Variants in KCNK9 observed in about 807,000 individuals in gnomAD.
The protein encoded by KCNK9 is potassium channel subfamily K member 9.
KCNK9 carries 1 observed loss-of-function variant against 10.8 expected under a neutral mutation model. The ratio of observed to expected loss-of-function variants is 0.09; its 90% CI spans 0.03 to 0.44. The LOEUF (loss-of-function observed/expected upper bound fraction) is 0.44. KCNK9 is among the 20% of genes least tolerant of loss of function. The pLI is 0.97. For synonymous variants in KCNK9, 231 were observed against 222.7 expected (o/e 1.04, Z -0.33); for missense variants, 303 against 515.0 (o/e 0.59, Z 3.98).
At chr8:139,683,518 A>C (rs1344146057) in intron 1 of KCNK9, among the ~76,000 whole-genome samples, 1 of 152,194 alleles carries the variant, frequency 6.6e-6, no homozygotes, top group African/African-American at 2.4e-5. Context: ...ATCACCAGCC[A>C]CTAGACTTCA....
chr8:139,698,197 T>C (rs1183025191), intron 1 of KCNK9, among the ~76,000 whole-genome samples: 2 of 152,226 alleles, frequency 1.3e-5, no homozygotes, highest in Non-Finnish European at 2.9e-5. Flanking sequence ...TGTGGCCTTA[T>C]CTGCGTCAGG....
chr8:139,692,042 G>A (rs1047696130), intron 1 of KCNK9, among the ~76,000 whole-genome samples: 7 of 152,190 alleles, frequency 4.6e-5, no homozygotes, highest in African/African-American at 1.7e-4. Context: ...TGCTGGGAGG[G>A]ATGCTGGAGA....
chr8:139,644,072 T>A (rs1479411438), intron 1 of KCNK9, among the ~76,000 whole-genome samples: 1 of 152,246 alleles, frequency 6.6e-6, no homozygotes, highest in East Asian at 1.9e-4. Context: ...GTTTGATTAC[T>A]GTGCTAGGAA....
intron 1 of KCNK9, among the ~76,000 whole-genome samples, chr8:139,653,671 T>C (rs754801108): frequency 4.6e-5 from 7 of 152,168 alleles, no homozygotes; most frequent in Non-Finnish European, 7.3e-5. Flanking sequence ...TGCAAACACT[T>C]GTTTAATAGA....
intron 1 of KCNK9, among the ~76,000 whole-genome samples, chr8:139,651,459 C>A (rs1278997424): frequency 6.6e-6 from 1 of 152,220 alleles, no homozygotes. Context: ...ACCCAGGGTG[C>A]AGATTGCTGT....
intron 1 of KCNK9, among the ~76,000 whole-genome samples, chr8:139,681,523 T>C (rs1268089933): frequency 6.6e-6 from 1 of 152,198 alleles, no homozygotes; most frequent in Non-Finnish European, 1.5e-5. Context: ...CACATCTCCT[T>C]ACTTTGAACT....
intron 1 of KCNK9, among the ~76,000 whole-genome samples, chr8:139,623,661 C>G (rs1814866249): frequency 6.6e-6 from 1 of 152,104 alleles, no homozygotes; most frequent in Non-Finnish European, 1.5e-5. Context: ...GCCCCCTCCC[C>G]CTACCCTCCA....
intron 1 of KCNK9, among the ~76,000 whole-genome samples, chr8:139,698,253 C>T (rs1436792254): frequency 6.6e-6 from 1 of 152,154 alleles, no homozygotes; most frequent in Admixed American, 6.5e-5. Flanking sequence ...CGTGTGGAGG[C>T]TCCGTGCTCC....
At chr8:139,661,466 G>A (rs778782419) in intron 1 of KCNK9, among the ~76,000 whole-genome samples, 7 of 152,294 alleles carry the variant, frequency 4.6e-5, no homozygotes, top group East Asian at 1.9e-4. Context: ...AGGTAGGGTC[G>A]TGGGTGTCCC....
At chr8:139,654,882 C>T (rs1482794567) in intron 1 of KCNK9, among the ~76,000 whole-genome samples, 5 of 151,958 alleles carry the variant, frequency 3.3e-5, no homozygotes, top group East Asian at 3.9e-4. Context: ...CAGAGGCAGG[C>T]GGCTAGAGAG....
downstream of KCNK9, among the ~76,000 whole-genome samples, chr8:139,615,446 C>T (rs548951060): frequency 3.3e-5 from 5 of 152,248 alleles, no homozygotes; most frequent in African/African-American, 1.2e-4. Context: ...CTGCCCTCCC[C>T]ACTCTGAGAC....
intron 1 of KCNK9, among the ~76,000 whole-genome samples, chr8:139,659,443 T>G (rs1816097295): frequency 6.6e-6 from 1 of 151,620 alleles, no homozygotes; most frequent in African/African-American, 2.4e-5. Flanking sequence ...GCAGCAGGTG[T>G]TAGACCCCTG....
downstream of KCNK9, among the ~76,000 whole-genome samples, chr8:139,613,134 G>A (rs754914607): frequency 6.6e-6 from 1 of 152,160 alleles, no homozygotes; most frequent in Non-Finnish European, 1.5e-5. Context: ...TGTTCATGGC[G>A]GACAATTTCT....
chr8:139,701,860 T>C (rs1050782816), intron 1 of KCNK9, among the ~76,000 whole-genome samples: 4 of 152,218 alleles, frequency 2.6e-5, no homozygotes, highest in Non-Finnish European at 5.9e-5. Context: ...GACCCTGCTC[T>C]GTGAATAGCG....
At chr8:139,667,048 C>T (rs1816318432) in intron 1 of KCNK9, among the ~76,000 whole-genome samples, 2 of 152,240 alleles carry the variant, frequency 1.3e-5, no homozygotes, top group South Asian at 4.1e-4. Flanking sequence ...CACAGGGCTC[C>T]CACAGGGCTT....
rs1001713079 is a variant in KCNK9 at position 139,617,724 on chromosome 8, G to A, written c.*534C>T. ...TATGATGTGTGATGGGAAAGAAAAC[G>A]GAATACCTAATACTTCCCGTTTTGT... On this transcript the variant is annotated 3_prime_UTR_variant, in exon 2 of 2. Transcript: ENST00000520439. 3.9e-5 allele frequency among the ~76,000 whole-genome samples: 6 copies of A among 152,094 alleles called. No homozygotes were observed. Among genetic ancestry groups the A allele is most frequent in the Non-Finnish European group, 5.9e-5 (4 of 68,024 alleles).
At chr8:139,701,795 G>T (rs1817226726) in intron 1 of KCNK9, among the ~76,000 whole-genome samples, 1 of 152,188 alleles carries the variant, frequency 6.6e-6, no homozygotes, top group Admixed American at 6.5e-5. Flanking sequence ...ATAACGTCCG[G>T]GAGTCCTCCC....
intron 1 of KCNK9, among the ~76,000 whole-genome samples, chr8:139,639,053 C>A (rs1011726588): frequency 1.6e-4 from 24 of 151,900 alleles, no homozygotes; most frequent in African/African-American, 5.1e-4. Flanking sequence ...CCGTAGCCAA[C>A]CCCTGTGCCC....
chr8:139,618,374 T>G lies in KCNK9; in HGVS notation c.1009A>C (p.Ile337Leu), dbSNP rs750909005. Residue 337 changes from isoleucine to leucine, a missense_variant, in exon 2 of 2, where the codon ATC becomes CTC. Transcript: ENST00000520439. The surrounding 1 kb of genome is among the most constrained non-coding windows in gnomAD (Gnocchi z 7.9). The part of the protein sequence containing the change: ...FHSISYKIEE[I>L]SPSTLKNSLF... The stretch of plus-strand genomic sequence containing the variant: ...CTGTTTTTTAATGTGCTTGGTGAGA[T>G]CTCCTCGATCTTGTAAGAGATGGAG... The G allele has an allele frequency of 5.0e-6, 8 of 1,613,978 alleles. No homozygotes were observed. Among genetic ancestry groups the G allele is most frequent in the Non-Finnish European group, 6.8e-6 (8 of 1,179,998 alleles).
Sources: gnomAD v4.1 joint callset for allele counts (sites outside exome capture counted in the v4.1 genomes callset) on GRCh38, gnomAD v4.1.1 for gene constraint, Gnocchi (gnomAD v3.1) non-coding constraint, MANE v1.5 for transcripts, NCBI Gene and HGNC (gene_info 2026-07-23, HGNC 2026-07-21) for gene names.